DSCAM: variants seen among roughly 807,000 people sequenced by gnomAD.
The protein encoded by DSCAM is DS cell adhesion molecule.
In DSCAM, 47 loss-of-function variants were observed where a neutral mutation model predicts 217.7. The ratio of observed to expected loss-of-function variants is 0.22; its 90% CI spans 0.17 to 0.28. The LOEUF (loss-of-function observed/expected upper bound fraction) is 0.28. Ranked by LOEUF, DSCAM falls within the 10% of genes least tolerant of loss-of-function variation. DSCAM has a pLI of 1.00. For missense variants in DSCAM, 2,080 were observed against 2,618.3 expected, an observed-to-expected ratio of 0.79 and a Z score of 4.49; for synonymous variants, 1,056 against 1,015.3, an observed-to-expected ratio of 1.04 and a Z score of -0.76.
chr21:40,279,297 C>T (rs2073728707), intron 10 of DSCAM, among the ~76,000 whole-genome samples: 1 of 152,090 alleles, frequency 6.6e-6, no homozygotes, highest in African/African-American at 2.4e-5. Flanking sequence ...AGAATTACAC[C>T]AGCAACTTGT....
intron 16 of DSCAM, among the ~76,000 whole-genome samples, chr21:40,157,751 T>C (rs990375296): frequency 2.0e-5 from 3 of 151,822 alleles, no homozygotes; most frequent in Non-Finnish European, 4.4e-5. Flanking sequence ...CTGGAGTGCA[T>C]TGATGCCATC....
chr21:40,091,046 T>A (rs2089602612), intron 21 of DSCAM, among the ~76,000 whole-genome samples: 1 of 152,082 alleles, frequency 6.6e-6, no homozygotes, highest in African/African-American at 2.4e-5. Context: ...AGAGACCAGG[T>A]GGTCTTAAAA....
At chr21:40,081,834 T>TGCAA (rs2089466489) in intron 24 of DSCAM, among the ~76,000 whole-genome samples, 2 of 152,184 alleles carry the variant, frequency 1.3e-5, no homozygotes, top group African/African-American at 4.8e-5. Flanking sequence ...AATGCTGGGT[T>TGCAA]ACCTTTGTCT....
At chr21:40,776,627 G>A (rs1228293931) in intron 1 of DSCAM, among the ~76,000 whole-genome samples, 1 of 152,128 alleles carries the variant, frequency 6.6e-6, no homozygotes, top group East Asian at 1.9e-4. Flanking sequence ...TGGACTAGCA[G>A]AAGAGAAAAG....
chr21:40,417,104 C>T (rs1432715622), intron 3 of DSCAM, among the ~76,000 whole-genome samples: 1 of 152,258 alleles, frequency 6.6e-6, no homozygotes, highest in East Asian at 1.9e-4. Context: ...CAACTCCCAA[C>T]TGAATAGGAA....
intron 3 of DSCAM, among the ~76,000 whole-genome samples, chr21:40,377,089 A>G (rs1025168413): frequency 2.0e-5 from 3 of 152,224 alleles, no homozygotes; most frequent in Non-Finnish European, 4.4e-5. Flanking sequence ...GGATATTAAC[A>G]TGAATCCTAA....
intron 1 of DSCAM, among the ~76,000 whole-genome samples, chr21:40,778,747 G>A (rs753356780): frequency 5.3e-5 from 8 of 152,016 alleles, no homozygotes; most frequent in Non-Finnish European, 8.8e-5. Context: ...AATGTGGGCC[G>A]GGCATGGTGG....
chr21:40,492,128 C>T (rs1253679640), intron 3 of DSCAM, among the ~76,000 whole-genome samples: 1 of 150,580 alleles, frequency 6.6e-6, no homozygotes, highest in Admixed American at 6.6e-5. Flanking sequence ...GTGATTTTTC[C>T]ATTGCTTTAG....
chr21:40,619,549 T>G (rs1432966802), intron 3 of DSCAM, among the ~76,000 whole-genome samples: 2 of 152,190 alleles, frequency 1.3e-5, no homozygotes, highest in Non-Finnish European at 2.9e-5. Context: ...AGTTAATTCA[T>G]GAAAAAGAAA....
At chr21:40,364,448 T>A (rs989743053) in intron 4 of DSCAM, among the ~76,000 whole-genome samples, 1 of 147,748 alleles carries the variant, frequency 6.8e-6, no homozygotes, top group East Asian at 2.0e-4. Flanking sequence ...AAACACCGCA[T>A]GTTCTCACTC....
rs548973976 is a variant in DSCAM, at chr21:40,675,309, AGAAGG to A, written c.508+17496_508+17500del. Reference sequence around the variant, plus strand: ...AAACCAGGTCAGCAGGCTGGAGTAGAGAAGGGAAAAATCAATAAATCTTTGAATTA... The same window carrying A: ...AAACCAGGTCAGCAGGCTGGAGTAGAGAAAAATCAATAAATCTTTGAATTA... On this transcript the variant is annotated intron_variant, in intron 3 of 32. Coordinates refer to ENST00000400454, the MANE Select transcript of DSCAM (RefSeq NM_001389.5). Among the ~76,000 whole-genome samples, 173 of 152,358 alleles carry A rather than the reference AGAAGG, an allele frequency of 1.1e-3. 1 individual carries two copies. Among genetic ancestry groups the A allele is most frequent in the African/African-American group, 4.1e-3 (170 of 41,596 alleles).
intron 3 of DSCAM, among the ~76,000 whole-genome samples, chr21:40,598,495 C>CTTTT (rs2077038135): frequency 8.5e-6 from 1 of 117,236 alleles, no homozygotes; most frequent in African/African-American, 3.3e-5. Flanking sequence ...AACTGCCAAA[C>CTTTT]TGTTTTTTTT....
intron 10 of DSCAM, among the ~76,000 whole-genome samples, chr21:40,284,755 A>G (rs2073804385): frequency 6.6e-6 from 1 of 152,178 alleles, no homozygotes; most frequent in Non-Finnish European, 1.5e-5. Context: ...AGGATTTTGC[A>G]TGCCCCTAAT....
intron 1 of DSCAM, among the ~76,000 whole-genome samples, chr21:40,836,907 C>T (rs2092061672): frequency 6.6e-6 from 1 of 152,206 alleles, no homozygotes; most frequent in South Asian, 2.1e-4. Context: ...CAAACTACAG[C>T]CCATTCCCCA....
intron 27 of DSCAM, among the ~76,000 whole-genome samples, chr21:40,065,052 T>TA (rs934679547): frequency 5.9e-5 from 9 of 152,006 alleles, no homozygotes; most frequent in African/African-American, 2.2e-4. Flanking sequence ...GTTATGTGGG[T>TA]AACATTATAA....
intron 11 of DSCAM, chr21:40,212,358 G>C (rs1345457286): frequency 6.5e-6 from 1 of 154,068 alleles, no homozygotes; most frequent in Non-Finnish European, 1.5e-5. Flanking sequence ...CATAGCCATG[G>C]GGTTTAGATT....
intron 1 of DSCAM, among the ~76,000 whole-genome samples, chr21:40,801,748 C>G (rs1464038991): frequency 6.6e-6 from 1 of 152,204 alleles, no homozygotes; most frequent in Non-Finnish European, 1.5e-5. Flanking sequence ...AGCGCTAATT[C>G]TGCAGGCTCT....
chr21:40,567,492 G>A (rs917821189), intron 3 of DSCAM, among the ~76,000 whole-genome samples: 1 of 152,242 alleles, frequency 6.6e-6, no homozygotes, highest in Non-Finnish European at 1.5e-5. Flanking sequence ...TCAAGGGACT[G>A]CAGCCGTTTT....
At chr21:40,157,221 T>C (rs1190413355) in intron 16 of DSCAM, among the ~76,000 whole-genome samples, 1 of 152,250 alleles carries the variant, frequency 6.6e-6, no homozygotes, top group Non-Finnish European at 1.5e-5. Flanking sequence ...GGACTGCAGC[T>C]GTGCCTATGC....
Sources: allele counts gnomAD v4.1 joint callset (sites outside exome capture counted in the v4.1 genomes callset), GRCh38; gene constraint gnomAD v4.1.1; transcripts MANE v1.5; gene names NCBI Gene and HGNC (gene_info 2026-07-23, HGNC 2026-07-21).